The following TAFA5 variants were observed in gnomAD, a reference collection of about 807,000 sequenced individuals.
TAFA5 encodes chemokine-like protein TAFA-5.
TAFA5 carries 6 observed loss-of-function variants against 15.3 expected under a neutral mutation model. That is an observed-to-expected ratio of 0.39 (90% CI 0.21 to 0.77). The LOEUF is 0.77. TAFA5 is among the 30% of genes least tolerant of loss of function. The pLI, the probability that TAFA5 is intolerant of heterozygous loss-of-function variation, is 0.41. For synonymous variants in TAFA5, 103 were observed against 80.7 expected, an observed-to-expected ratio of 1.28 and a Z score of -1.48; for missense variants, 161 against 193.1, an observed-to-expected ratio of 0.83 and a Z score of 0.98.
At chr22:48,503,372 C>G (rs62223611) in intron 1 of TAFA5, among the ~76,000 whole-genome samples, 4,248 of 152,362 alleles carry the variant, frequency 0.028, 84 homozygotes, top group Middle Eastern at 0.071. Context: ...CCTGGTGTCC[C>G]TCTTGCTTTA....
chr22:48,658,020 A>G (rs1927307171), intron 2 of TAFA5, among the ~76,000 whole-genome samples: 1 of 152,248 alleles, frequency 6.6e-6, no homozygotes, highest in South Asian at 2.1e-4. Flanking sequence ...AAGAAGAAAT[A>G]TCTTTGAAAA....
At chr22:48,645,283 GTCTT>G (rs1359050851) in intron 1 of TAFA5, among the ~76,000 whole-genome samples, 1 of 152,150 alleles carries the variant, frequency 6.6e-6, no homozygotes, top group African/African-American at 2.4e-5. Context: ...CACGGGCACT[GTCTT>G]TATTTGTCAG....
At chr22:48,588,790 G>A (rs773612036) in intron 1 of TAFA5, among the ~76,000 whole-genome samples, 3 of 152,144 alleles carry the variant, frequency 2.0e-5, no homozygotes, top group African/African-American at 4.8e-5. Context: ...AGAAGACTCA[G>A]GAATCTGTGG....
chr22:48,657,146 GAGA>G (rs1927280320), intron 2 of TAFA5, among the ~76,000 whole-genome samples: 1 of 152,128 alleles, frequency 6.6e-6, no homozygotes, highest in Non-Finnish European at 1.5e-5. Flanking sequence ...GAGAGGGATA[GAGA>G]AGAAGGAAAG....
At chr22:48,599,133 T>A (rs1022773746) in intron 1 of TAFA5, among the ~76,000 whole-genome samples, 2 of 152,194 alleles carry the variant, frequency 1.3e-5, no homozygotes. Context: ...GAGTTTGATG[T>A]TTCCTTGGGT....
At chr22:48,593,479 G>C (rs932540551) in intron 1 of TAFA5, among the ~76,000 whole-genome samples, 2 of 152,212 alleles carry the variant, frequency 1.3e-5, no homozygotes, top group East Asian at 3.9e-4. Flanking sequence ...CTGGGCTCGG[G>C]GGGTGTCTCA....
At chr22:48,533,121 C>T (rs1209550009) in intron 1 of TAFA5, among the ~76,000 whole-genome samples, 1 of 152,100 alleles carries the variant, frequency 6.6e-6, no homozygotes, top group Non-Finnish European at 1.5e-5. Context: ...GGGAGCACCC[C>T]CTGGGAGGCC....
intron 1 of TAFA5, among the ~76,000 whole-genome samples, chr22:48,513,217 G>A (rs185686220): frequency 2.6e-5 from 4 of 152,332 alleles, no homozygotes; most frequent in African/African-American, 9.6e-5. Context: ...ACTCCGCATT[G>A]GTGATAAGAG....
chr22:48,737,975 G>A (rs960440260), intron 3 of TAFA5, among the ~76,000 whole-genome samples: 1 of 152,096 alleles, frequency 6.6e-6, no homozygotes, highest in Non-Finnish European at 1.5e-5. Flanking sequence ...GGCCTTCCCT[G>A]GGGGATGCTG....
At position 48,490,163 on chromosome 22, in the gene TAFA5, C is replaced by T. The variant is rs1928094710; in HGVS notation, c.112+459C>T. Among the ~76,000 whole-genome samples, 1 of 152,158 alleles carries T rather than the reference C, an allele frequency of 6.6e-6. No individual in the cohort carries two copies. The highest frequency in any genetic ancestry group is 2.4e-5 in the African/African-American group (1 of 41,456). ...CGGCGGCCGAGCCCGGAGAGGAGCT[C>T]TTCAGGCAGGAGCCCAGCCTGGGCT... On this transcript the variant is annotated intron_variant, in intron 1 of 3. Transcript: ENST00000402357. This position sits in a 1 kb window ranked among gnomAD's most constrained non-coding sequence, Gnocchi z 5.8.
chr22:48,576,308 A>T, intron 1 of TAFA5: 1 of 1,190,800 alleles, frequency 8.4e-7, no homozygotes, highest in Non-Finnish European at 1.0e-6. Context: ...CTGCCCAGAA[A>T]GACACAAATC....
At chr22:48,635,944 G>A (rs2147193470) in intron 1 of TAFA5, among the ~76,000 whole-genome samples, 1 of 152,348 alleles carries the variant, frequency 6.6e-6, no homozygotes, top group Non-Finnish European at 1.5e-5. Flanking sequence ...CTTGGCCCAG[G>A]CAGAGCTTGG....
intron 1 of TAFA5, among the ~76,000 whole-genome samples, chr22:48,642,383 C>G (rs934802779): frequency 1.3e-5 from 2 of 152,230 alleles, no homozygotes; most frequent in Admixed American, 1.3e-4. Flanking sequence ...GCCCCACAGG[C>G]AGCCCTGGTG....
At chr22:48,659,729 G>A (rs886648002) in intron 2 of TAFA5, among the ~76,000 whole-genome samples, 4 of 144,914 alleles carry the variant, frequency 2.8e-5, no homozygotes, top group East Asian at 2.1e-4. Flanking sequence ...GAAGGCCTCC[G>A]TCCCTGGCCT....
Position 48,489,559 on chromosome 22 carries a change from C to G in TAFA5, c.-34C>G, listed in dbSNP as rs984088086. 2 of 1,288,764 alleles carry G rather than the reference C, an allele frequency of 1.6e-6. No individual in the cohort carries two copies. Among genetic ancestry groups the G allele is most frequent in the African/African-American group, 1.6e-5 (1 of 63,460 alleles). 79.8% of individuals were successfully genotyped at this position (1,288,764 alleles called of 1,614,324 possible). On this transcript the variant is annotated 5_prime_UTR_variant, in exon 1 of 4. Transcript: ENST00000402357. This position sits in a 1 kb window ranked among gnomAD's most constrained non-coding sequence, Gnocchi z 5.5. ...GCGGGCAGGGCCGGCTGCTGAGACG[C>G]GCTGCTGCCCCCCGCGCGGGCGCCG... is the stretch of plus-strand genomic sequence containing the variant.
chr22:48,535,907 A>G (rs1005880651), intron 1 of TAFA5, among the ~76,000 whole-genome samples: 4 of 152,198 alleles, frequency 2.6e-5, no homozygotes, highest in Non-Finnish European at 5.9e-5. Context: ...CTGTGTGGGT[A>G]TATGCATATA....
At chr22:48,658,981 G>A (rs1927342337) in intron 2 of TAFA5, among the ~76,000 whole-genome samples, 1 of 152,216 alleles carries the variant, frequency 6.6e-6, no homozygotes, top group Admixed American at 6.5e-5. Context: ...GCCTTTGCCC[G>A]TCATTGTCAG....
At chr22:48,493,771 T>A (rs2147091810) in intron 1 of TAFA5, among the ~76,000 whole-genome samples, 1 of 152,340 alleles carries the variant, frequency 6.6e-6, no homozygotes, top group African/African-American at 2.4e-5. Context: ...GTTTGTCCCC[T>A]CACAGGATTT....
intron 3 of TAFA5, among the ~76,000 whole-genome samples, chr22:48,720,293 C>A (rs1274740779): frequency 1.3e-5 from 2 of 152,108 alleles, no homozygotes; most frequent in Non-Finnish European, 2.9e-5. Context: ...CCTTGCTTCC[C>A]TGTCTTCTCC....
Sources: gnomAD v4.1 joint callset for allele counts (sites outside exome capture counted in the v4.1 genomes callset) on GRCh38, gnomAD v4.1.1 for gene constraint, Gnocchi (gnomAD v3.1) non-coding constraint, MANE v1.5 for transcripts, NCBI Gene and HGNC (gene_info 2026-07-23, HGNC 2026-07-21) for gene names.